Variants in VAV3 observed in about 807,000 individuals in gnomAD.
VAV3 encodes the protein guanine nucleotide exchange factor VAV3.
VAV3 carries 94 observed loss-of-function variants against 131.2 expected under a neutral mutation model. The observed-to-expected ratio is 0.72, with a 90% CI of 0.61 to 0.85. The LOEUF (loss-of-function observed/expected upper bound fraction) is 0.85. Among genes scored for constraint, VAV3 ranks in the 40% least tolerant of loss-of-function variants. The pLI is 0.00. For missense variants in VAV3, 939 were observed against 1,002.7 expected (o/e 0.94, Z 0.86); for synonymous variants, 349 against 342.0 (o/e 1.02, Z -0.22).
chr1:107,790,753 T>C (rs1178320983), intron 2 of VAV3, among the ~76,000 whole-genome samples: 1 of 146,056 alleles, frequency 6.8e-6, no homozygotes, highest in East Asian at 2.1e-4. Flanking sequence ...AGTTGCATGA[T>C]CTTGGCTCAC....
At chr1:107,807,477 C>T (rs973296109) in intron 2 of VAV3, among the ~76,000 whole-genome samples, 13 of 152,308 alleles carry the variant, frequency 8.5e-5, no homozygotes, top group African/African-American at 3.1e-4. Flanking sequence ...TGATTTGATT[C>T]CACATAACAC....
chr1:107,961,810 A>G (rs1275599969), intron 1 of VAV3, among the ~76,000 whole-genome samples: 1 of 152,244 alleles, frequency 6.6e-6, no homozygotes, highest in Non-Finnish European at 1.5e-5. Context: ...AAGATAATCA[A>G]CTAACTTATT....
chr1:107,787,722 T>A (rs192662076), intron 2 of VAV3, among the ~76,000 whole-genome samples: 33 of 152,350 alleles, frequency 2.2e-4, no homozygotes, highest in African/African-American at 7.5e-4. Context: ...TTCTGAATGA[T>A]ATATTTCTTA....
chr1:107,632,323 T>C (rs554650030), intron 20 of VAV3, among the ~76,000 whole-genome samples: 41 of 152,292 alleles, frequency 2.7e-4, no homozygotes, highest in African/African-American at 9.6e-4. Flanking sequence ...GTTGACATTA[T>C]TGCAAAGCTC....
At chr1:107,946,202 T>C (rs1674253675) in intron 1 of VAV3, among the ~76,000 whole-genome samples, 1 of 152,066 alleles carries the variant, frequency 6.6e-6, no homozygotes, top group East Asian at 1.9e-4. Flanking sequence ...GTGGTCCAAG[T>C]GAAAGATGGA....
chr1:107,694,889 A>G (rs1319201780), intron 17 of VAV3, among the ~76,000 whole-genome samples: 1 of 152,208 alleles, frequency 6.6e-6, no homozygotes, highest in Non-Finnish European at 1.5e-5. Flanking sequence ...GTCAATTATA[A>G]TAAATGTGAT....
intron 2 of VAV3, among the ~76,000 whole-genome samples, chr1:107,850,254 A>G (rs1327145605): frequency 7.9e-5 from 12 of 152,174 alleles, no homozygotes; most frequent in Admixed American, 2.6e-4. Context: ...TCATTCTACT[A>G]TAAAGACACA....
chr1:107,755,079 C>G (rs574089896), intron 12 of VAV3, among the ~76,000 whole-genome samples: 35 of 151,698 alleles, frequency 2.3e-4, no homozygotes, highest in Non-Finnish European at 4.1e-4. Flanking sequence ...AATAGTCACA[C>G]AGCAAATATA....
intron 2 of VAV3, among the ~76,000 whole-genome samples, chr1:107,817,576 C>T (rs2102349477): frequency 6.6e-6 from 1 of 152,266 alleles, no homozygotes; most frequent in African/African-American, 2.4e-5. Context: ...TTTGAAATTA[C>T]TCAAATGGAA....
intron 19 of VAV3, among the ~76,000 whole-genome samples, chr1:107,681,799 A>C (rs538107328): frequency 4.0e-5 from 6 of 151,354 alleles, no homozygotes; most frequent in Admixed American, 1.3e-4. Context: ...GACTACAGGC[A>C]CCCGCCACCA....
intron 1 of VAV3, among the ~76,000 whole-genome samples, chr1:107,884,527 A>G (rs1028722758): frequency 2.6e-5 from 4 of 151,134 alleles, no homozygotes; most frequent in Admixed American, 6.6e-5. Context: ...TGCAGCCTCA[A>G]TCTGATCTCA....
chr1:107,744,805 A>G (rs918241484), intron 15 of VAV3, among the ~76,000 whole-genome samples: 1 of 152,190 alleles, frequency 6.6e-6, no homozygotes, highest in Non-Finnish European at 1.5e-5. Context: ...TTAGATGCCA[A>G]GATCTGAGTC....
chr1:107,674,015 C>G (rs1055893931), intron 19 of VAV3, among the ~76,000 whole-genome samples: 4 of 152,164 alleles, frequency 2.6e-5, no homozygotes, highest in Non-Finnish European at 1.5e-5. Flanking sequence ...AATACTTGGA[C>G]AACAAATATC....
intron 20 of VAV3, among the ~76,000 whole-genome samples, chr1:107,637,529 A>G (rs757125183): frequency 6.6e-6 from 1 of 152,132 alleles, no homozygotes; most frequent in South Asian, 2.1e-4. Context: ...TGGCTGAGGC[A>G]CGGTAATTGC....
chr1:107,599,373 T>C (rs1040706663), intron 24 of VAV3, among the ~76,000 whole-genome samples: 10 of 152,080 alleles, frequency 6.6e-5, no homozygotes, highest in Non-Finnish European at 1.2e-4. Flanking sequence ...AACAAGTAAA[T>C]AAGAAGACTC....
chr1:107,887,369 T>C (rs1465661886), intron 1 of VAV3, among the ~76,000 whole-genome samples: 1 of 152,250 alleles, frequency 6.6e-6, no homozygotes, highest in East Asian at 1.9e-4. Flanking sequence ...AATACTCTCA[T>C]AAATAAATGT....
At chr1:107,884,900 G>A (rs956268908) in intron 1 of VAV3, among the ~76,000 whole-genome samples, 1 of 152,190 alleles carries the variant, frequency 6.6e-6, no homozygotes, top group African/African-American at 2.4e-5. Context: ...GTAGAATACA[G>A]TAACTAAAGT....
intron 25 of VAV3, among the ~76,000 whole-genome samples, chr1:107,577,982 G>A (rs1649772019): frequency 6.6e-6 from 1 of 152,144 alleles, no homozygotes; most frequent in Admixed American, 6.5e-5. Flanking sequence ...AATATATTCT[G>A]CCTCTGTTCA....
At chr1:107,920,207 T>C (rs1216016096) in intron 1 of VAV3, among the ~76,000 whole-genome samples, 2 of 152,200 alleles carry the variant, frequency 1.3e-5, no homozygotes, top group African/African-American at 2.4e-5. Flanking sequence ...GACTAACGTA[T>C]AGCATGTGAT....
Sources: gnomAD v4.1 joint callset for allele counts (sites outside exome capture counted in the v4.1 genomes callset) on GRCh38, gnomAD v4.1.1 for gene constraint, MANE v1.5 for transcripts, NCBI Gene and HGNC (gene_info 2026-07-23, HGNC 2026-07-21) for gene names.